Variants in ST8SIA6 observed in about 807,000 individuals in gnomAD.
The protein encoded by ST8SIA6 is alpha-2,8-sialyltransferase 8F.
In ST8SIA6, 39 loss-of-function variants were observed where a neutral mutation model predicts 33.6. The ratio of observed to expected loss-of-function variants is 1.16; its 90% confidence interval spans 0.90 to 1.52. The LOEUF (loss-of-function observed/expected upper bound fraction) is 1.52, where lower values mean the gene tolerates loss of function less well. ST8SIA6 is among the 40% of genes most tolerant of loss of function. The probability of loss-of-function intolerance (pLI) is 0.00; values close to 1 mark genes in which losing one functional copy is unlikely to be tolerated. For missense variants in ST8SIA6, 441 were observed against 443.8 expected (o/e 0.99, Z 0.06); for synonymous variants, 172 against 167.2 (o/e 1.03, Z -0.22).
At chr10:17,390,798 T>TG (rs1780840316) in intron 2 of ST8SIA6, among the ~76,000 whole-genome samples, 178 bp from the exon 3 acceptor site, 1 of 49,074 alleles carries the variant, frequency 2.0e-5, no homozygotes, top group Non-Finnish European at 3.2e-5. Context: ...TGGGTCTAAA[T>TG]GAAAAAAAAA....
chr10:17,327,886 G>A (rs112119248), intron 5 of ST8SIA6, among the ~76,000 whole-genome samples: 2,857 of 152,048 alleles, frequency 0.019, 29 homozygotes, highest in African/African-American at 0.023. Context: ...CAGCCTGGGC[G>A]ACAGAGCAAG....
At chr10:17,333,717 AT>A (rs71392102) in intron 4 of ST8SIA6, among the ~76,000 whole-genome samples, 571 of 33,676 alleles carry the variant, frequency 0.017, 6 homozygotes, top group Non-Finnish European at 0.023. Context: ...ATATATATAT[AT>A]TTTTTTTTTT....
At chr10:17,339,527 A>T (rs1468959028) in intron 4 of ST8SIA6, among the ~76,000 whole-genome samples, 1 of 152,238 alleles carries the variant, frequency 6.6e-6, no homozygotes, top group Non-Finnish European at 1.5e-5. Context: ...CATCCAAATC[A>T]TTTCTAAAAT....
At chr10:17,389,226 T>G (rs897950744) in intron 3 of ST8SIA6, among the ~76,000 whole-genome samples, 1 of 152,174 alleles carries the variant, frequency 6.6e-6, no homozygotes, top group Non-Finnish European at 1.5e-5. Context: ...GGAGACTGAT[T>G]TGAGTAATAA....
chr10:17,346,415 G>A (rs1390767041), intron 4 of ST8SIA6, among the ~76,000 whole-genome samples: 4 of 152,132 alleles, frequency 2.6e-5, no homozygotes, highest in Non-Finnish European at 5.9e-5. Context: ...GCAACATAGG[G>A]AAACCCCATC....
intron 2 of ST8SIA6, among the ~76,000 whole-genome samples, chr10:17,406,508 G>A (rs1851264867): frequency 6.6e-6 from 1 of 152,180 alleles, no homozygotes; most frequent in Admixed American, 6.5e-5. Context: ...GATGTGCACT[G>A]CATGCATTAA....
At chr10:17,380,984 GT>G (rs372933259) in intron 3 of ST8SIA6, among the ~76,000 whole-genome samples, 5,673 of 136,904 alleles carry the variant, frequency 0.041, 133 homozygotes, top group African/African-American at 0.067. Flanking sequence ...GTTTTGAGGG[GT>G]TTTTTTTGTT....
At chr10:17,446,791 G>A (rs1048388614) in intron 2 of ST8SIA6, among the ~76,000 whole-genome samples, 6 of 151,860 alleles carry the variant, frequency 4.0e-5, no homozygotes, top group African/African-American at 7.3e-5. Flanking sequence ...GGCTGGGAGC[G>A]GTGGCTCATG....
intron 4 of ST8SIA6, among the ~76,000 whole-genome samples, chr10:17,337,480 G>A (rs1370193187): frequency 1.3e-5 from 2 of 152,064 alleles, no homozygotes; most frequent in Admixed American, 6.5e-5. Context: ...CAAAGCACTC[G>A]TTATAATCTC....
intron 2 of ST8SIA6, among the ~76,000 whole-genome samples, chr10:17,419,467 C>A (rs937019033): frequency 5.3e-5 from 8 of 151,638 alleles, no homozygotes; most frequent in Non-Finnish European, 2.9e-5. Context: ...GAGGATGAGT[C>A]TGCAGTGAAT....
intron 2 of ST8SIA6, among the ~76,000 whole-genome samples, chr10:17,404,996 A>C (rs1851201283): frequency 6.6e-6 from 1 of 152,226 alleles, no homozygotes; most frequent in African/African-American, 2.4e-5. Context: ...CCTCTCCCAC[A>C]CCACAAGGAA....
chr10:17,408,763 TA>T (rs777650645), intron 2 of ST8SIA6, among the ~76,000 whole-genome samples: 127 of 152,142 alleles, frequency 8.3e-4, no homozygotes, highest in African/African-American at 2.9e-3. Context: ...TTTATTTATT[TA>T]TTTTTTTTGA....
At chr10:17,374,748 A>ATATATATATATATAT (rs1554792809) in intron 3 of ST8SIA6, among the ~76,000 whole-genome samples, 1 of 67,648 alleles carries the variant, frequency 1.5e-5, no homozygotes, top group South Asian at 6.0e-4. Context: ...ATAAATAAAT[A>ATATATATATATATAT]ATAAATATAT....
At chr10:17,438,916 C>T (rs1028996118) in intron 2 of ST8SIA6, among the ~76,000 whole-genome samples, 3 of 152,230 alleles carry the variant, frequency 2.0e-5, no homozygotes, top group African/African-American at 7.2e-5. Context: ...TTTTGAGCCT[C>T]TTCACATAAT....
In ST8SIA6 at chr10:17,331,525, A is replaced by G; in HGVS notation, c.405T>C (p.Ala135=). ...FRAKLASCCD[A]VQNFVVSQNN... ...TCTGAGAAACAACAAAGTTTTGAAC[A>G]GCATCACAGCAGGAAGCAAGTTTGG... is the stretch of plus-strand genomic sequence containing the variant. The change falls in exon 5 of 8, where the codon GCT becomes GCC. Residue 135 remains alanine (A), a synonymous_variant. Coordinates refer to ENST00000377602, the MANE Select transcript of ST8SIA6 (RefSeq NM_001004470.3). 1 of 1,611,826 alleles carries G rather than the reference A, an allele frequency of 6.2e-7. No individual in the cohort carries two copies. Among genetic ancestry groups the G allele is most frequent in the Non-Finnish European group, 8.5e-7 (1 of 1,179,370 alleles).
intron 3 of ST8SIA6, among the ~76,000 whole-genome samples, chr10:17,379,338 T>C (rs1372753765): frequency 2.1e-5 from 3 of 143,138 alleles, no homozygotes; most frequent in Non-Finnish European, 4.6e-5. Flanking sequence ...AAGGAGAGGG[T>C]GAGAGACCTA....
At chr10:17,410,836 T>C (rs1018843320) in intron 2 of ST8SIA6, among the ~76,000 whole-genome samples, 1 of 152,202 alleles carries the variant, frequency 6.6e-6, no homozygotes, top group Non-Finnish European at 1.5e-5. Context: ...GTTTATTCTA[T>C]TTAATTGAGA....
At chr10:17,395,280 T>A (rs887218952) in intron 2 of ST8SIA6, among the ~76,000 whole-genome samples, 7 of 152,206 alleles carry the variant, frequency 4.6e-5, no homozygotes, top group African/African-American at 1.7e-4. Context: ...ATATCTTTAT[T>A]AGCAGCATGA....
In ST8SIA6 at chr10:17,318,870, T is replaced by C. The variant is rs538735191; in HGVS notation, c.*2008A>G. 2 of 385,904 alleles carry C rather than the reference T, an allele frequency of 5.2e-6. No individual in the cohort carries two copies. The highest frequency in any genetic ancestry group is 1.4e-4 in the East Asian group (2 of 13,986). The allele number at this position is 385,904 out of a possible 1,614,324, so 23.9% of individuals were successfully genotyped here. ...TATTTTAGAAAGTTCTAAGTAATGT[T>C]CTGTTTTGGAACAAAAGAACATTAT... On this transcript the variant is annotated 3_prime_UTR_variant, in exon 8 of 8. Coordinates refer to ENST00000377602, the MANE Select transcript of ST8SIA6 (RefSeq NM_001004470.3).
Sources: gnomAD v4.1 joint callset for allele counts (sites outside exome capture counted in the v4.1 genomes callset) on GRCh38, gnomAD v4.1.1 for gene constraint, MANE v1.5 for transcripts, NCBI Gene and HGNC (gene_info 2026-07-23, HGNC 2026-07-21) for gene names.